Variants in CGB2 observed in about 807,000 individuals in gnomAD.
CGB2 encodes the protein chorionic gonadotropin subunit beta 2.
Under a neutral mutation model 7.1 loss-of-function variants are expected in CGB2, and 4 were observed. The observed-to-expected ratio is 0.57, with a 90% confidence interval of 0.28 to 1.29. CGB2 has a LOEUF of 1.29. Ranked by LOEUF, CGB2 falls within the 50% of genes most tolerant of loss-of-function variation. The pLI is 0.10. For missense variants in CGB2, 88 were observed against 224.0 expected (o/e 0.39, Z 3.88); for synonymous variants, 51 against 100.3 (o/e 0.51, Z 2.94).
intron 1 of CGB2, 64 bp from the exon 2 acceptor site, chr19:49,032,440 G>C (rs1386300358): frequency 1.3e-6 from 2 of 1,589,938 alleles, no homozygotes; most frequent in African/African-American, 2.7e-5. Flanking sequence ...TACCACGCGG[G>C]ATGGGAAGGC....
intron 1 of CGB2, 112 bp downstream of exon 1, chr19:49,032,216 G>T (rs1369363280): frequency 8.2e-5 from 132 of 1,613,554 alleles, no homozygotes; most frequent in Non-Finnish European, 5.3e-5. Context: ...ATGAGAAGGG[G>T]CAGACCAGTG....
chr19:49,032,640 C>T lies in CGB2; in HGVS notation c.146C>T (p.Thr49Ile). Residue 49 changes from threonine to isoleucine, a missense_variant, in exon 2 of 3, where the codon ACC becomes ATC. Transcript: ENST00000359342. ...TGCCCCGTGTGCATCACCGTCAACA[C>T]CACCATCTGTGCCGGCTACTGCCCC... ...EGCPVCITVN[T>I]TICAGYCPTM... The T allele has an allele frequency of 7.3e-7, 1 of 1,362,172 alleles. No individual in the cohort carries two copies. Among genetic ancestry groups the T allele is most frequent in the Non-Finnish European group, 9.9e-7 (1 of 1,014,044 alleles). The allele number at this position is 1,362,172 out of a possible 1,614,324, so 84.4% of individuals were successfully genotyped here. A position where few individuals can be genotyped will look rare whatever the true frequency, so the allele number is the denominator to read the frequency against.
intron 1 of CGB2, 60 bp downstream of exon 1, chr19:49,032,164 G>A (rs1278950436): frequency 1.2e-6 from 2 of 1,613,840 alleles, no homozygotes; most frequent in Admixed American, 3.3e-5. Flanking sequence ...AAGACTGCAG[G>A]GCCCCTGGGC....
rs1351276056 is a variant in CGB2 at position 49,032,000 on chromosome 19, C to A, written c.-96C>A. On this transcript the variant is annotated 5_prime_UTR_variant, in exon 1 of 3. Transcript: ENST00000359342. ...CGGGTTCCCGTGCCGCGTCCAACAC[C>A]CCTCACTCCCTGTCTCACTCCCCCA... The A allele has an allele frequency of 1.9e-6, 3 of 1,566,094 alleles. No homozygotes were observed. Among genetic ancestry groups the A allele is most frequent in the Non-Finnish European group, 2.6e-6 (3 of 1,137,058 alleles).
Position 49,033,153 on chromosome 19 carries a change from C to G in CGB2, c.424C>G (p.Pro142Ala), listed in dbSNP as rs1224627287. The G allele has an allele frequency of 6.2e-7, 1 of 1,610,518 alleles. No individual in the cohort carries two copies. Among genetic ancestry groups the G allele is most frequent in the Non-Finnish European group, 8.5e-7 (1 of 1,179,756 alleles). ...CCAGGCCTCCTCTTCCTCAAAGGCC[C>G]CTCCCCCCAGCCTTCCAAGCCCATC... ...RFQASSSSKA[P>A]PPSLPSPSRL... is the part of the protein sequence containing the mutation. Residue 142 changes from proline (P) to alanine (A), a missense_variant, in exon 3 of 3, where the codon CCT becomes GCT. Pro to Ala is a conservative substitution (Grantham distance 27, BLOSUM62 -1). This residue lies in a region of CGB2 where 29 missense variants were observed against 30.7 expected (regional missense o/e 0.94). Transcript: ENST00000359342.
At position 49,032,338 on chromosome 19, in the gene CGB2, G is replaced by A. The variant is rs1300749429; in HGVS notation, c.10-166G>A. The A allele has an allele frequency of 1.0e-4, 158 of 1,579,576 alleles. 1 individual carries two copies. The Middle Eastern group carries it at 2.6e-3, about 26-fold the overall frequency. ...ATGTTGGGGTATCTGAGATCCTCTG[G>A]GCTGTGGGGTGGGCTCTGAAAGGCA... On this transcript the variant is annotated intron_variant, in intron 1 of 2. Coordinates refer to ENST00000359342, the MANE Select transcript of CGB2 (RefSeq NM_033378.2).
Position 49,032,927 on chromosome 19 carries a change from C to A in CGB2, c.198C>A (p.Val66=), listed in dbSNP as rs1329160940. ...CPTMTRVLQG[V]LPALPQVVCN... The stretch of plus-strand genomic sequence containing the variant: ...TCCAGACCCGCGTGCTGCAGGGGGT[C>A]CTGCCGGCCCTGCCTCAGGTGGTGT... The change falls in exon 3 of 3, where the codon GTC becomes GTA. Residue 66 remains valine (V), a synonymous_variant. Coordinates refer to ENST00000359342, the MANE Select transcript of CGB2 (RefSeq NM_033378.2). 1 of 1,080,744 alleles carries A rather than the reference C, an allele frequency of 9.3e-7. No homozygotes were observed. Among genetic ancestry groups the A allele is most frequent in the East Asian group, 2.6e-5 (1 of 38,468 alleles). 66.9% of individuals were successfully genotyped at this position (1,080,744 alleles called of 1,614,324 possible). A position where few individuals can be genotyped will look rare whatever the true frequency, so the allele number is the denominator to read the frequency against.
In CGB2 at chr19:49,031,996, A is replaced by G. The variant is rs1226336595; in HGVS notation, c.-100A>G. On this transcript the variant is annotated 5_prime_UTR_variant, in exon 1 of 3. Transcript: ENST00000359342. ...CGGCCGGGTTCCCGTGCCGCGTCCAACACCCCTCACTCCCTGTCTCACTCC... is the reference window on the plus strand; with the variant it reads ...CGGCCGGGTTCCCGTGCCGCGTCCAGCACCCCTCACTCCCTGTCTCACTCC... The G allele has an allele frequency of 5.8e-6, 9 of 1,558,532 alleles. No homozygotes were observed. Among genetic ancestry groups the G allele is most frequent in the Middle Eastern group, 1.7e-4 (1 of 5,970 alleles).
Position 49,031,907 on chromosome 19 carries a change from GC to G in CGB2, c.-184del, listed in dbSNP as rs1397779621. 7 of 717,832 alleles carry G rather than the reference GC, an allele frequency of 9.8e-6. No homozygotes were observed. The highest frequency in any genetic ancestry group is 1.2e-5 in the Non-Finnish European group (5 of 421,908). The allele number at this position is 717,832 out of a possible 1,614,324, so 44.5% of individuals were successfully genotyped here. A position where few individuals can be genotyped will look rare whatever the true frequency, so the allele number is the denominator to read the frequency against. On this transcript the variant is annotated 5_prime_UTR_variant, in exon 1 of 3. Coordinates refer to ENST00000359342, the MANE Select transcript of CGB2 (RefSeq NM_033378.2). ...CAGTGAGGGCCCTGCGTTCCGTGGC[GC>G]CCCCTGGAGGGAGGAAGGGGAACTG...
At chr19:49,032,426 G>A (rs2039748964) in intron 1 of CGB2, 78 bp from the exon 2 acceptor site, 1 of 1,594,910 alleles carries the variant, frequency 6.3e-7, no homozygotes, top group Non-Finnish European at 8.5e-7. Flanking sequence ...CTTTGTGGGT[G>A]GTGTACCACG....
At chr19:49,032,712 GC>G in intron 2 of CGB2, 41 bp downstream of exon 2, 1 of 899,920 alleles carries the variant, frequency 1.1e-6, no homozygotes, top group African/African-American at 2.1e-5. Flanking sequence ...CCACCTCAGG[GC>G]CAGACCCACA....
rs529234095 is a variant in CGB2 at position 49,032,104 on chromosome 19, G to A, written c.9G>A (p.Lys3=). The change falls in exon 1 of 3, where the codon AAG becomes AAA. Residue 3 remains lysine (K), a splice_region_variant and synonymous_variant. Transcript: ENST00000359342. MS[K]GLLLLLLLSM... is the part of the protein sequence containing the mutation. ...CCCGCTAAGAGAGAGACATGTCAAA[G>A]GTAGGGTAGATCGACATTTCCAGGC... 2.5e-5 allele frequency: 41 copies of A among 1,613,982 alleles called. 2 individuals carry two copies. The South Asian group carries it at 4.3e-4, about 17-fold the overall frequency.
Position 49,031,929 on chromosome 19 carries a change from A to C in CGB2, c.-167A>C, listed in dbSNP as rs2039738208. On this transcript the variant is annotated 5_prime_UTR_variant, in exon 1 of 3. Coordinates refer to ENST00000359342, the MANE Select transcript of CGB2 (RefSeq NM_033378.2). ...GGCGCCCCCTGGAGGGAGGAAGGGG[A>C]ACTGTATCTGAGAGAGAGCAGCCAA... 1.2e-6 allele frequency: 1 copy of C among 858,916 alleles called. No individual in the cohort carries two copies. The highest frequency in any genetic ancestry group is 1.6e-5 in the South Asian group (1 of 64,406). The allele number at this position is 858,916 out of a possible 1,614,324, so 53.2% of individuals were successfully genotyped here.
At position 49,033,100 on chromosome 19, in the gene CGB2, A is replaced by G; in HGVS notation, c.371A>G (p.His124Arg). ...ACTGACTGCGGGGGTCCCAAGGACCACCCCTTGACCTGTGATGACCCCCGC... is the reference window on the plus strand; with the variant it reads ...ACTGACTGCGGGGGTCCCAAGGACCGCCCCTTGACCTGTGATGACCCCCGC... The part of the protein sequence containing the change: ...STTDCGGPKD[H>R]PLTCDDPRFQ... The change falls in exon 3 of 3, where the codon CAC (histidine) becomes CGC (arginine). Residue 124 changes from histidine to arginine, a missense_variant. Coordinates refer to ENST00000359342, the MANE Select transcript of CGB2 (RefSeq NM_033378.2). The G allele has an allele frequency of 6.3e-7, 1 of 1,589,548 alleles. No individual in the cohort carries two copies. Among genetic ancestry groups the G allele is most frequent in the Non-Finnish European group, 8.5e-7 (1 of 1,170,062 alleles).
rs778495999 is a variant in CGB2, at chr19:49,033,237, C to T, written c.*16C>T. On this transcript the variant is annotated 3_prime_UTR_variant, in exon 3 of 3. Coordinates refer to ENST00000359342, the MANE Select transcript of CGB2 (RefSeq NM_033378.2). ...CCCACAATAAAGGCTTCTCAATCCG[C>T]ACTCTGGCGGTGTCTTTCTGTGGGC... The T allele has an allele frequency of 4.3e-6, 7 of 1,611,798 alleles. No homozygotes were observed. Among genetic ancestry groups the T allele is most frequent in the Non-Finnish European group, 5.9e-6 (7 of 1,179,910 alleles).
rs1028590493 is a variant in CGB2, at chr19:49,032,244, C to A, written c.9+140C>A. On this transcript the variant is annotated intron_variant, in intron 1 of 2. Transcript: ENST00000359342. The stretch of plus-strand genomic sequence containing the variant: ...GACCAGTGTGAGCTGTGGAAGGAGG[C>A]CTCTTTCTGGAGGAGCGTGACCCCC... 3.1e-6 allele frequency: 5 copies of A among 1,610,540 alleles called. No individual in the cohort carries two copies. In the South Asian group the frequency reaches 3.3e-5, roughly 11 times the overall value.
Position 49,032,087 on chromosome 19 carries a change from G to A in CGB2, c.-9G>A. On this transcript the variant is annotated 5_prime_UTR_variant, in exon 1 of 3. Transcript: ENST00000359342. ...GTGCTTGCGGAAGATATCCCGCTAA[G>A]AGAGAGACATGTCAAAGGTAGGGTA... The A allele has an allele frequency of 6.2e-7, 1 of 1,613,372 alleles. No homozygotes were observed. The highest frequency in any genetic ancestry group is 8.5e-7 in the Non-Finnish European group (1 of 1,179,804).
Position 49,032,023 on chromosome 19 carries a change from C to G in CGB2, c.-73C>G, listed in dbSNP as rs749218851. On this transcript the variant is annotated 5_prime_UTR_variant, in exon 1 of 3. Transcript: ENST00000359342. ...ACCCCTCACTCCCTGTCTCACTCCC[C>G]CACGGAGACTCAATTTACTTTCCAT... is the stretch of plus-strand genomic sequence containing the variant. 6 of 1,606,572 alleles carry G rather than the reference C, an allele frequency of 3.7e-6. No individual in the cohort carries two copies. The Admixed American group carries it at 5.0e-5, about 13-fold the overall frequency.
intron 1 of CGB2, 129 bp from the exon 2 acceptor site, chr19:49,032,375 G>T (rs1393877281): frequency 1.2e-5 from 19 of 1,596,140 alleles, no homozygotes; most frequent in Middle Eastern, 2.2e-4. Context: ...GTGTCCGGGT[G>T]GTGGGTCCTG....
Sources: allele counts gnomAD v4.1 joint callset, GRCh38; gene constraint gnomAD v4.1.1; regional missense constraint gnomAD v4.1.1; transcripts MANE v1.5; gene names NCBI Gene and HGNC (gene_info 2026-07-23, HGNC 2026-07-21).